UGT1A6: variants seen among roughly 807,000 people sequenced by gnomAD.
UGT1A6 encodes UDP-glucuronosyltransferase 1A6.
Under a neutral mutation model 44.4 loss-of-function variants are expected in UGT1A6, and 32 were observed. The observed-to-expected ratio is 0.72, with a 90% CI of 0.54 to 0.97. UGT1A6 has a LOEUF of 0.97. UGT1A6 is among the 50% of genes least tolerant of loss of function. UGT1A6 has a pLI of 0.00. For synonymous variants in UGT1A6, 238 were observed against 248.5 expected, an observed-to-expected ratio of 0.96 and a Z score of 0.40; for missense variants, 685 against 661.9, an observed-to-expected ratio of 1.03 and a Z score of -0.38.
chr2:233,739,826 A>G (rs989260193), intron 1 of UGT1A6, among the ~76,000 whole-genome samples: 6 of 152,024 alleles, frequency 3.9e-5, no homozygotes, highest in African/African-American at 1.2e-4. Context: ...TTAAATGTGA[A>G]AAGACATGAG....
At chr2:233,741,305 C>T (rs1177807292) in intron 1 of UGT1A6, among the ~76,000 whole-genome samples, 1 of 151,474 alleles carries the variant, frequency 6.6e-6, no homozygotes, top group Non-Finnish European at 1.5e-5. Context: ...TGTGTAGATA[C>T]ACACCAACTC....
chr2:233,717,658 A>G (rs1214490027), intron 1 of UGT1A6: 1 of 409,022 alleles, frequency 2.4e-6, no homozygotes, highest in Non-Finnish European at 5.0e-6. Flanking sequence ...ACAAGGAAGC[A>G]TCAGCAATCT....
chr2:233,713,210 C>T, intron 1 of UGT1A6: 1 of 1,614,238 alleles, frequency 6.2e-7, no homozygotes, highest in East Asian at 2.2e-5. Flanking sequence ...AAGAAGAGAA[C>T]TTTTTCACCC....
intron 1 of UGT1A6, chr2:233,729,638 T>G (rs2077898670): frequency 6.2e-7 from 1 of 1,613,806 alleles, no homozygotes; most frequent in Admixed American, 1.7e-5. Context: ...CCTACTGTGT[T>G]TTTTTTGAGG....
At position 233,692,987 on chromosome 2, in the gene UGT1A6, A is replaced by T; in HGVS notation, c.-18A>T. The T allele has an allele frequency of 6.2e-7, 1 of 1,613,680 alleles. No homozygotes were observed. Among genetic ancestry groups the T allele is most frequent in the South Asian group, 1.1e-5 (1 of 90,882 alleles). On this transcript the variant is annotated 5_prime_UTR_variant, in exon 1 of 5. Transcript: ENST00000305139. ...GTGAAAACTCTTTATTACCGTTGTTACTTTAACTCTTTCCAGGATGGCCTG... is the reference window on the plus strand; with the variant it reads ...GTGAAAACTCTTTATTACCGTTGTTTCTTTAACTCTTTCCAGGATGGCCTG...
intron 1 of UGT1A6, chr2:233,761,151 G>A (rs748685520): frequency 3.7e-6 from 6 of 1,614,140 alleles, no homozygotes; most frequent in Non-Finnish European, 5.1e-6. Flanking sequence ...CACTATCCCA[G>A]GTGTGTATTG....
intron 1 of UGT1A6, among the ~76,000 whole-genome samples, chr2:233,696,018 G>A (rs1380009671): frequency 1.3e-5 from 2 of 152,070 alleles, no homozygotes; most frequent in African/African-American, 2.4e-5. Flanking sequence ...CACAGACATG[G>A]GGCTCAGTCC....
intron 1 of UGT1A6, among the ~76,000 whole-genome samples, chr2:233,744,831 G>T (rs1406769887): frequency 6.6e-6 from 1 of 151,816 alleles, no homozygotes; most frequent in Non-Finnish European, 1.5e-5. Flanking sequence ...TTTGAGAATC[G>T]CTAGTCTAGC....
chr2:233,760,233 C>T (rs1697357127), intron 1 of UGT1A6: 2 of 1,510,150 alleles, frequency 1.3e-6, no homozygotes, highest in Non-Finnish European at 9.0e-7. Context: ...TGGTTTTTGC[C>T]ATATATATAT....
upstream of UGT1A6, chr2:233,691,878 T>C (rs1461599790): frequency 6.4e-6 from 1 of 155,758 alleles, no homozygotes; most frequent in Non-Finnish European, 1.4e-5. Context: ...TATATGTTTG[T>C]CTTTGTTTCC....
chr2:233,752,969 A>G (rs553949581), intron 1 of UGT1A6, among the ~76,000 whole-genome samples: 2 of 152,310 alleles, frequency 1.3e-5, no homozygotes, highest in Non-Finnish European at 2.9e-5. Context: ...TATGTAACCA[A>G]TTGTGTAGAT....
chr2:233,714,639 G>A lies in UGT1A6; in HGVS notation c.861+20774G>A, dbSNP rs575235602. On this transcript the variant is annotated intron_variant, in intron 1 of 4. Coordinates refer to ENST00000305139, the MANE Select transcript of UGT1A6 (RefSeq NM_001072.4). ...AAAAAGAAACCACTAAAATTAATGTGAATAATGCATTTTATTTAACCAGAT... is the reference window on the plus strand; with the variant it reads ...AAAAAGAAACCACTAAAATTAATGTAAATAATGCATTTTATTTAACCAGAT... 1.5e-3 allele frequency among the ~76,000 whole-genome samples: 236 copies of A among 152,314 alleles called. 2 individuals are homozygous for A. The highest frequency in any genetic ancestry group is 5.3e-3 in the African/African-American group (221 of 41,578).
intron 1 of UGT1A6, chr2:233,742,978 TA>T: frequency 8.7e-6 from 2 of 230,188 alleles, no homozygotes; most frequent in Non-Finnish European, 1.7e-5. Flanking sequence ...GGCTTAAGTT[TA>T]ATAAATAGCA....
Position 233,730,884 on chromosome 2 carries a change from T to A in UGT1A6, c.862-36150T>A, listed in dbSNP as rs1262820640. Among the ~76,000 whole-genome samples, 3 of 152,194 alleles carry A rather than the reference T, an allele frequency of 2.0e-5. No individual in the cohort carries two copies. In the South Asian group the frequency reaches 6.2e-4, roughly 32 times the overall value. On this transcript the variant is annotated intron_variant, in intron 1 of 4. Coordinates refer to ENST00000305139, the MANE Select transcript of UGT1A6 (RefSeq NM_001072.4). ...CCTACTGCACTCCAGGTTTCTATAG[T>A]GGGATCTACTCCTTTACCAAAAATT...
rs373052727 is a variant in UGT1A6 at position 233,772,330 on chromosome 2, C to T, written c.1370C>T (p.Ala457Val). ...CGCCCGGTGGAGCCGCTGGACCTGGCCGTGTTCTGGGTGGAGTTTGTGATG... is the reference window on the plus strand; with the variant it reads ...CGCCCGGTGGAGCCGCTGGACCTGGTCGTGTTCTGGGTGGAGTTTGTGATG... Reference protein sequence around the residue: ...KDRPVEPLDLAVFWVEFVMRH... With the variant: ...KDRPVEPLDLVVFWVEFVMRH... The change falls in exon 5 of 5, where the codon GCC (alanine) becomes GTC (valine). Residue 457 changes from alanine to valine, a missense_variant. Ala to Val is a moderately conservative substitution (Grantham distance 64). Transcript: ENST00000305139. 1.2e-6 allele frequency: 2 copies of T among 1,614,146 alleles called. No homozygotes were observed. The highest frequency in any genetic ancestry group is 1.7e-6 in the Non-Finnish European group (2 of 1,180,034).
chr2:233,704,405 A>G (rs761303272), intron 1 of UGT1A6, among the ~76,000 whole-genome samples: 1 of 152,010 alleles, frequency 6.6e-6, no homozygotes, highest in Non-Finnish European at 1.5e-5. Context: ...TATCTACTTC[A>G]GATTTATACC....
chr2:233,759,709 C>A (rs139134152), intron 1 of UGT1A6, among the ~76,000 whole-genome samples: 2 of 151,084 alleles, frequency 1.3e-5, no homozygotes, highest in East Asian at 3.9e-4. Flanking sequence ...GGCGCGTGCT[C>A]GTGTGGTGGG....
intron 1 of UGT1A6, among the ~76,000 whole-genome samples, chr2:233,727,362 C>G (rs1360836232): frequency 6.6e-6 from 1 of 152,136 alleles, no homozygotes; most frequent in Admixed American, 6.5e-5. Context: ...ATCCTTAGGG[C>G]CCCTAGGTCT....
chr2:233,699,215 A>G (rs569821092), intron 1 of UGT1A6, among the ~76,000 whole-genome samples: 4 of 152,258 alleles, frequency 2.6e-5, no homozygotes, highest in South Asian at 2.1e-4. Context: ...TGCATGAAAA[A>G]AAAACAAAAA....
Sources: allele counts gnomAD v4.1 joint callset (sites outside exome capture counted in the v4.1 genomes callset), GRCh38; gene constraint gnomAD v4.1.1; transcripts MANE v1.5; gene names NCBI Gene and HGNC (gene_info 2026-07-23, HGNC 2026-07-21).